UBE2D3: variants seen among roughly 807,000 people sequenced by gnomAD.
UBE2D3 encodes ubiquitin-conjugating enzyme E2 D3.
Under a neutral mutation model 22.8 loss-of-function variants are expected in UBE2D3, and 2 were observed. The observed-to-expected ratio is 0.09, with a 90% CI of 0.04 to 0.28. The LOEUF (loss-of-function observed/expected upper bound fraction) is 0.28, where lower values mean the gene tolerates loss of function less well. UBE2D3 is among the 10% of genes least tolerant of loss of function. The pLI, the probability that UBE2D3 is intolerant of heterozygous loss-of-function variation, is 1.00. For missense variants in UBE2D3, 27 were observed against 182.5 expected (o/e 0.15, Z 4.91); for synonymous variants, 56 against 60.4 (o/e 0.93, Z 0.34).
At chr4:102,862,520 C>T (rs1286905956) in intron 1 of UBE2D3, among the ~76,000 whole-genome samples, 2 of 152,236 alleles carry the variant, frequency 1.3e-5, no homozygotes, top group South Asian at 4.1e-4. Context: ...GTTTCTTATA[C>T]CTTGATCAAA....
intron 1 of UBE2D3, among the ~76,000 whole-genome samples, chr4:102,847,949 C>T (rs927579826): frequency 6.6e-6 from 1 of 152,144 alleles, no homozygotes. Flanking sequence ...CCTTAACCCA[C>T]GTATGCCTAG....
intron 2 of UBE2D3, among the ~76,000 whole-genome samples, chr4:102,826,238 C>T (rs1730470439): frequency 6.6e-6 from 1 of 152,098 alleles, no homozygotes; most frequent in African/African-American, 2.4e-5. Flanking sequence ...CACTCTCCTC[C>T]ACCCCTAATT....
chr4:102,858,681 A>G (rs1252678289), intron 1 of UBE2D3, among the ~76,000 whole-genome samples: 6 of 151,980 alleles, frequency 3.9e-5, no homozygotes, highest in Non-Finnish European at 7.4e-5. Context: ...TTAAAAAAAT[A>G]ACTACTTTAG....
intron 7 of UBE2D3, chr4:102,799,068 AT>A (rs767425181): frequency 2.7e-5 from 37 of 1,394,156 alleles, no homozygotes; most frequent in Admixed American, 7.2e-5. Context: ...TATTTGAGAA[AT>A]TTAGACCAAA....
chr4:102,817,917 A>G lies in UBE2D3; in HGVS notation c.25-8062T>C, dbSNP rs553613408. Among the ~76,000 whole-genome samples the G allele has an allele frequency of 9.7e-4, 147 of 152,070 alleles. 2 individuals are homozygous for G. The highest frequency in any genetic ancestry group is 3.4e-3 in the African/African-American group (141 of 41,524). On this transcript the variant is annotated intron_variant, in intron 2 of 7. Coordinates refer to ENST00000453744, the MANE Select transcript of UBE2D3 (RefSeq NM_181891.3). The stretch of plus-strand genomic sequence containing the variant: ...ACCTAACAAAATGTTTTTAGAGCCT[A>G]AAGTTTCACAGGCTTCAGGGACAAA...
At chr4:102,827,725 G>C (rs1372655258), upstream of UBE2D3, 1 of 971,472 alleles carries the variant, frequency 1.0e-6, no homozygotes, top group Non-Finnish European at 1.2e-6. Flanking sequence ...CCTTCTTCTC[G>C]GAACAGCACC....
intron 4 of UBE2D3, chr4:102,809,164 C>T: frequency 3.0e-6 from 1 of 328,098 alleles, no homozygotes; most frequent in South Asian, 2.3e-5. Flanking sequence ...GCTTATCTAC[C>T]CAGGATAGAA....
chr4:102,826,730 G>T (rs531652456), intron 1 of UBE2D3, 94 bp from the exon 2 acceptor site: 2 of 1,419,710 alleles, frequency 1.4e-6, no homozygotes, highest in East Asian at 2.7e-5. Flanking sequence ...TCCGGGGTGG[G>T]TGGGGTGGCG....
chr4:102,827,400 G>T, intron 1 of UBE2D3, 27 bp downstream of exon 1: 1 of 986,164 alleles, frequency 1.0e-6, no homozygotes, highest in Non-Finnish European at 1.2e-6. Context: ...TCCCTTCCCT[G>T]CCCTAGCCGT....
intron 1 of UBE2D3, among the ~76,000 whole-genome samples, chr4:102,842,566 C>G (rs1731815128): frequency 1.3e-5 from 2 of 151,598 alleles, no homozygotes; most frequent in Admixed American, 1.3e-4. Flanking sequence ...AAAAAAAAAC[C>G]TCGAGTTTCA....
At chr4:102,814,706 A>G (rs1261576968) in intron 2 of UBE2D3, among the ~76,000 whole-genome samples, 3 of 152,020 alleles carry the variant, frequency 2.0e-5, no homozygotes, top group Non-Finnish European at 4.4e-5. Flanking sequence ...CTGGTACTTA[A>G]CAAGCAGACC....
chr4:102,827,786 G>A (rs223389), upstream of UBE2D3: 182,657 of 985,870 alleles, frequency 0.19, 17,823 homozygotes, highest in Admixed American at 0.23. Flanking sequence ...GGAGGGAGGA[G>A]GATCATGAGC....
At chr4:102,854,960 C>T (rs1323037065) in intron 1 of UBE2D3, among the ~76,000 whole-genome samples, 4 of 152,158 alleles carry the variant, frequency 2.6e-5, no homozygotes, top group Non-Finnish European at 4.4e-5. Flanking sequence ...ATCAGGCTTC[C>T]TGTAGGATTA....
At chr4:102,824,492 C>T (rs1221746705) in intron 2 of UBE2D3, among the ~76,000 whole-genome samples, 1 of 152,224 alleles carries the variant, frequency 6.6e-6, no homozygotes, top group Non-Finnish European at 1.5e-5. Context: ...GGCACACAGT[C>T]ATTTATTGTT....
At chr4:102,804,120 T>C (rs916452118) in intron 4 of UBE2D3, among the ~76,000 whole-genome samples, 35 of 152,130 alleles carry the variant, frequency 2.3e-4, no homozygotes, top group African/African-American at 8.4e-4. Flanking sequence ...TCCCCCTTTT[T>C]TTTTGTAGGG....
chr4:102,801,898 C>A, intron 5 of UBE2D3: 1 of 171,734 alleles, frequency 5.8e-6, no homozygotes, highest in Admixed American at 5.9e-5. Flanking sequence ...AATTTGTAGA[C>A]CATCTCATTT....
intron 2 of UBE2D3, among the ~76,000 whole-genome samples, chr4:102,821,816 T>C (rs1729665593): frequency 6.6e-6 from 1 of 152,156 alleles, no homozygotes; most frequent in South Asian, 2.1e-4. Flanking sequence ...AAACTCCAAA[T>C]GTTCTGGAAT....
At chr4:102,826,752 C>G in intron 1 of UBE2D3, 116 bp from the exon 2 acceptor site, 1 of 1,417,266 alleles carries the variant, frequency 7.1e-7, no homozygotes, top group East Asian at 2.7e-5. Flanking sequence ...GGCAAAGCCA[C>G]CAACAGCCTC....
intron 1 of UBE2D3, among the ~76,000 whole-genome samples, chr4:102,838,530 G>A (rs1270764690): frequency 6.6e-6 from 1 of 152,182 alleles, no homozygotes; most frequent in Non-Finnish European, 1.5e-5. Flanking sequence ...TGTCAGTAAT[G>A]AATAATCGAG....
Sources: allele counts gnomAD v4.1 joint callset (sites outside exome capture counted in the v4.1 genomes callset), GRCh38; gene constraint gnomAD v4.1.1; transcripts MANE v1.5; gene names NCBI Gene and HGNC (gene_info 2026-07-23, HGNC 2026-07-21).